MGAT4C: variants seen among roughly 807,000 people sequenced by gnomAD.
MGAT4C encodes MGAT4 family member C.
In MGAT4C, 19 loss-of-function variants were observed where a neutral mutation model predicts 40.1. The ratio of observed to expected loss-of-function variants is 0.47; its 90% confidence interval spans 0.33 to 0.70. MGAT4C has a LOEUF of 0.70. Ranked by LOEUF, MGAT4C falls within the 30% of genes least tolerant of loss-of-function variation. The probability of loss-of-function intolerance (pLI) is 0.02; values close to 1 mark genes in which losing one functional copy is unlikely to be tolerated. For missense variants in MGAT4C, 491 were observed against 563.2 expected, an observed-to-expected ratio of 0.87 and a Z score of 1.30; for synonymous variants, 181 against 187.1, an observed-to-expected ratio of 0.97 and a Z score of 0.27.
Position 85,980,351 on chromosome 12 carries a change from C to A in MGAT4C, c.375G>T (p.Glu125Asp). ...YLLETIKSIF[E>D]QSSYEELKEI... Reference sequence around the variant, plus strand: ...CCTTCAGCTCTTCATAGCTGGATTGCTCAAAAATTGACTTAATTGTCTCAA... The same window carrying A: ...CCTTCAGCTCTTCATAGCTGGATTGATCAAAAATTGACTTAATTGTCTCAA... The change falls in exon 5 of 5, where the codon GAG becomes GAT. Residue 125 changes from glutamate (E) to aspartate (D), a missense_variant. Physicochemically the swap from Glu to Asp is conservative, Grantham distance 45 (BLOSUM62 2). Coordinates refer to ENST00000611864, the MANE Select transcript of MGAT4C (RefSeq NM_001351288.2). The A allele has an allele frequency of 6.2e-7, 1 of 1,613,326 alleles. No individual in the cohort carries two copies. The highest frequency in any genetic ancestry group is 8.5e-7 in the Non-Finnish European group (1 of 1,179,736).
intron 2 of MGAT4C, among the ~76,000 whole-genome samples, chr12:86,688,157 C>CTTTTTTTTT (rs55637680): frequency 8.4e-4 from 55 of 65,214 alleles, no homozygotes; most frequent in East Asian, 2.3e-3. Context: ...GCAACCCCTG[C>CTTTTTTTTT]TTTTTTTTTT....
At chr12:86,548,019 A>G (rs1959208769) in intron 2 of MGAT4C, among the ~76,000 whole-genome samples, 1 of 152,140 alleles carries the variant, frequency 6.6e-6, no homozygotes. Context: ...ACCTCCGGTA[A>G]TTCTGTAGCT....
At chr12:86,271,266 C>G (rs1952938175) in intron 4 of MGAT4C, among the ~76,000 whole-genome samples, 1 of 152,130 alleles carries the variant, frequency 6.6e-6, no homozygotes, top group Non-Finnish European at 1.5e-5. Flanking sequence ...ATCCACCCAA[C>G]AGGGGCCTAA....
intron 1 of MGAT4C, among the ~76,000 whole-genome samples, chr12:86,820,591 ATTTG>A (rs1443569057): frequency 6.6e-6 from 1 of 150,792 alleles, no homozygotes; most frequent in Non-Finnish European, 1.5e-5. Flanking sequence ...ATCAATAGTT[ATTTG>A]AAACTATTTT....
intron 4 of MGAT4C, among the ~76,000 whole-genome samples, chr12:86,301,053 A>T (rs1953797560): frequency 6.6e-6 from 1 of 151,956 alleles, no homozygotes; most frequent in Non-Finnish European, 1.5e-5. Flanking sequence ...ATTGACATTA[A>T]CTCTTTTTAA....
chr12:86,710,633 C>T (rs779818191), intron 2 of MGAT4C, among the ~76,000 whole-genome samples: 103 of 152,058 alleles, frequency 6.8e-4, no homozygotes, highest in Non-Finnish European at 1.1e-3. Context: ...TATGGAGATT[C>T]CTTAAAGAAC....
intron 2 of MGAT4C, among the ~76,000 whole-genome samples, chr12:86,716,462 C>A (rs1950646354): frequency 6.6e-6 from 1 of 151,816 alleles, no homozygotes; most frequent in Non-Finnish European, 1.5e-5. Context: ...TAGTATCTTG[C>A]CCTTGCAAAA....
At chr12:86,576,864 C>T (rs544286585) in intron 2 of MGAT4C, among the ~76,000 whole-genome samples, 3 of 151,718 alleles carry the variant, frequency 2.0e-5, no homozygotes, top group Admixed American at 2.0e-4. Flanking sequence ...TAAAGAATAT[C>T]ATTGGTATTT....
chr12:86,130,581 G>C (rs192831121), intron 1 of MGAT4C, among the ~76,000 whole-genome samples: 10 of 152,020 alleles, frequency 6.6e-5, no homozygotes, highest in Admixed American at 6.6e-4. Flanking sequence ...TATTGAGAAA[G>C]CTGATACAAA....
intron 2 of MGAT4C, among the ~76,000 whole-genome samples, chr12:86,586,107 C>G (rs545599111): frequency 4.8e-4 from 56 of 115,874 alleles, no homozygotes; most frequent in African/African-American, 1.7e-3. Flanking sequence ...CCCCTCCCCC[C>G]ACCCCACAAC....
At chr12:86,534,644 C>T (rs1156274820) in intron 2 of MGAT4C, among the ~76,000 whole-genome samples, 1 of 152,022 alleles carries the variant, frequency 6.6e-6, no homozygotes, top group Admixed American at 6.6e-5. Context: ...TGAATAATTG[C>T]CCATAGTTAC....
At chr12:86,331,297 C>T (rs1954662564) in intron 4 of MGAT4C, among the ~76,000 whole-genome samples, 1 of 152,076 alleles carries the variant, frequency 6.6e-6, no homozygotes, top group Non-Finnish European at 1.5e-5. Context: ...GCACAGTGGC[C>T]TGCTAGCACT....
At chr12:86,036,028 C>A (rs1891207129) in intron 2 of MGAT4C, among the ~76,000 whole-genome samples, 1 of 149,864 alleles carries the variant, frequency 6.7e-6, no homozygotes, top group East Asian at 1.9e-4. Flanking sequence ...CAGCTTTGTT[C>A]TTTTGGTTTA....
At chr12:86,159,349 C>G (rs1566068424) in intron 1 of MGAT4C, among the ~76,000 whole-genome samples, 1 of 150,620 alleles carries the variant, frequency 6.6e-6, no homozygotes, top group East Asian at 1.9e-4. Context: ...GTTGAACCCG[C>G]CTCACATCTC....
chr12:86,522,739 G>T (rs1958816580), intron 2 of MGAT4C, among the ~76,000 whole-genome samples: 3 of 151,958 alleles, frequency 2.0e-5, no homozygotes, highest in South Asian at 4.1e-4. Flanking sequence ...GACTTTTGTT[G>T]GTTGGTATGC....
chr12:86,201,404 C>T (rs1490368137), intron 1 of MGAT4C, among the ~76,000 whole-genome samples: 3 of 150,468 alleles, frequency 2.0e-5, no homozygotes, highest in African/African-American at 7.3e-5. Context: ...ATTAATGAAG[C>T]TATATTATAA....
rs189393517 is a variant in MGAT4C at position 86,140,499 on chromosome 12, G to A, written c.-56-90776C>T. ...CAGGGAGGAGAACATCACACACCGG[G>A]GCCTGTCGGGGGGTGGGAGGTTAGA... On this transcript the variant is annotated intron_variant, in intron 1 of 4. Transcript: ENST00000611864. Among the ~76,000 whole-genome samples the A allele has an allele frequency of 2.4e-3, 368 of 152,078 alleles. 1 individual carries two copies. The highest frequency in any genetic ancestry group is 7.3e-3 in the African/African-American group (304 of 41,478).
chr12:86,261,262 C>A (rs1952652084), upstream of MGAT4C, among the ~76,000 whole-genome samples: 2 of 152,108 alleles, frequency 1.3e-5, no homozygotes, highest in Admixed American at 1.3e-4. Flanking sequence ...AACTTCACTT[C>A]TATTCATTCA....
Position 86,326,479 on chromosome 12 carries a change from GA to G in MGAT4C, c.-57+7585del, listed in dbSNP as rs1300768115. Among the ~76,000 whole-genome samples, 5 of 151,490 alleles carry G rather than the reference GA, an allele frequency of 3.3e-5. No homozygotes were observed. The East Asian group carries it at 5.8e-4, about 18-fold the overall frequency. ...TTATACCTCAGTAAAGGTGAAAAAAGAAAAAAATGAATTACAAAGAGAAATA... is the reference window on the plus strand; with the variant it reads ...TTATACCTCAGTAAAGGTGAAAAAAGAAAAAATGAATTACAAAGAGAAATA... On this transcript the variant is annotated intron_variant, in intron 4 of 7. Transcript: ENST00000548651.
Sources: gnomAD v4.1 joint callset for allele counts (sites outside exome capture counted in the v4.1 genomes callset) on GRCh38, gnomAD v4.1.1 for gene constraint, MANE v1.5 for transcripts, NCBI Gene and HGNC (gene_info 2026-07-23, HGNC 2026-07-21) for gene names.